The following PCDH11X variants were observed in gnomAD, a reference collection of about 807,000 sequenced individuals.
The protein encoded by PCDH11X is protocadherin 11 X-linked, also known as protocadherin-11 X-linked.
In PCDH11X, 18 loss-of-function variants were observed where a neutral mutation model predicts 53.3. That is an observed-to-expected ratio of 0.34 (90% CI 0.23 to 0.50). The LOEUF is 0.50. Ranked by LOEUF, PCDH11X falls within the 20% of genes least tolerant of loss-of-function variation. PCDH11X has a pLI of 0.98. For synonymous variants in PCDH11X, 279 were observed against 393.3 expected (o/e 0.71, Z 3.44); for missense variants, 570 against 1,032.4 (o/e 0.55, Z 6.14).
At chrX:92,078,643 T>C (rs1234918961) in intron 6 of PCDH11X, among the ~76,000 whole-genome samples, 3 of 110,883 alleles carry the variant, frequency 2.7e-5, no homozygotes, top group African/African-American at 9.8e-5. Flanking sequence ...AGCAGCTGAC[T>C]ATGCTAATTC....
chrX:91,971,183 C>T (rs867922055), intron 6 of PCDH11X, among the ~76,000 whole-genome samples: 1 of 108,991 alleles, frequency 9.2e-6, no homozygotes, highest in Non-Finnish European at 1.9e-5. Context: ...TTTTCTTGAT[C>T]TTCTTCTTCA....
chrX:92,424,342 A>C (rs2072058735), intron 9 of PCDH11X, among the ~76,000 whole-genome samples: 1 of 95,880 alleles, frequency 1.0e-5, no homozygotes, highest in Admixed American at 1.1e-4. Context: ...GTATCTGTTA[A>C]ATTTTTAAAG....
At chrX:92,142,370 G>GCACACACACA (rs201418320) in intron 6 of PCDH11X, among the ~76,000 whole-genome samples, 23 of 95,574 alleles carry the variant, frequency 2.4e-4, no homozygotes, top group African/African-American at 6.8e-4. Flanking sequence ...GTGCGCGCGC[G>GCACACACACA]CACACACACA....
intron 6 of PCDH11X, among the ~76,000 whole-genome samples, chrX:92,012,490 A>AT (rs1435294558): frequency 8.9e-6 from 1 of 111,857 alleles, no homozygotes; most frequent in Non-Finnish European, 1.9e-5. Flanking sequence ...ATGTTTATAA[A>AT]TAATTCGAAA....
chrX:91,820,373 G>A (rs1462220865), intron 4 of PCDH11X, among the ~76,000 whole-genome samples: 2 of 85,164 alleles, frequency 2.3e-5, no homozygotes, highest in African/African-American at 1.2e-4. Context: ...TCTAACTGGT[G>A]TGAGATGGTA....
At chrX:91,881,086 T>C (rs1286865553) in intron 6 of PCDH11X, among the ~76,000 whole-genome samples, 3 of 110,841 alleles carry the variant, frequency 2.7e-5, no homozygotes, top group Non-Finnish European at 5.7e-5. Context: ...GTTTCAGTGC[T>C]TTTTGAAGGC....
At chrX:91,901,385 T>C (rs959767469) in intron 6 of PCDH11X, among the ~76,000 whole-genome samples, 4 of 110,608 alleles carry the variant, frequency 3.6e-5, no homozygotes, top group Non-Finnish European at 7.6e-5. Context: ...TTTACCAAGA[T>C]TGGCCTAACT....
rs762828148 is a variant in PCDH11X at position 91,844,449 on chromosome X, A to G, written c.540+8405A>G. Among the ~76,000 whole-genome samples, 160 of 110,029 alleles carry G rather than the reference A, an allele frequency of 1.5e-3. 1 individual carries two copies. The highest frequency in any genetic ancestry group is 5.0e-3 in the African/African-American group (151 of 30,394). On this transcript the variant is annotated intron_variant, in intron 5 of 10. Coordinates refer to ENST00000682573, the MANE Select transcript of PCDH11X (RefSeq NM_032968.5). ...TGCTAATATGAGTACTTTCTCATAT[A>G]CTGCCTCTACCATCTGGAATTGCTT...
At chrX:92,081,494 G>T (rs1247536812) in intron 6 of PCDH11X, among the ~76,000 whole-genome samples, 1 of 110,322 alleles carries the variant, frequency 9.1e-6, no homozygotes, top group Non-Finnish European at 1.9e-5. Context: ...ATCTCCTGTT[G>T]ATCAATTAAG....
At chrX:92,126,407 T>G (rs1394802718) in intron 6 of PCDH11X, among the ~76,000 whole-genome samples, 1 of 110,691 alleles carries the variant, frequency 9.0e-6, no homozygotes. Context: ...GGTTAGGAGT[T>G]TGAAACCAGC....
chrX:92,142,361 TGC>T (rs1202141800), intron 6 of PCDH11X, among the ~76,000 whole-genome samples: 2,608 of 75,449 alleles, frequency 0.035, 91 homozygotes, highest in African/African-American at 0.11. Context: ...TCCATGCATG[TGC>T]GCGCGCGCAC....
chrX:91,960,415 C>CTTTG (rs1055220087), intron 6 of PCDH11X, among the ~76,000 whole-genome samples: 3 of 110,340 alleles, frequency 2.7e-5, no homozygotes, highest in Non-Finnish European at 5.7e-5. Context: ...TGTTTTTTCA[C>CTTTG]TTTGTTTGTT....
At chrX:92,371,022 A>T (rs1305307691) in intron 8 of PCDH11X, among the ~76,000 whole-genome samples, 1 of 111,673 alleles carries the variant, frequency 9.0e-6, no homozygotes, top group Non-Finnish European at 1.9e-5. Context: ...TAGCATAGCT[A>T]TGATTGCTTT....
At chrX:92,475,234 G>A (rs1356989325) in intron 10 of PCDH11X, among the ~76,000 whole-genome samples, 1 of 100,832 alleles carries the variant, frequency 9.9e-6, no homozygotes, top group Non-Finnish European at 2.0e-5. Context: ...ATAATATTCT[G>A]TATTTTTTGT....
At chrX:92,257,898 T>G (rs2067629887) in intron 7 of PCDH11X, among the ~76,000 whole-genome samples, 1 of 111,924 alleles carries the variant, frequency 8.9e-6, no homozygotes, top group Non-Finnish European at 1.9e-5. Context: ...GGATCATGGC[T>G]TTCTTCTTAC....
intron 1 of PCDH11X, among the ~76,000 whole-genome samples, chrX:91,789,343 T>TAA (rs933176641): frequency 1.1e-5 from 1 of 92,904 alleles, no homozygotes; most frequent in African/African-American, 3.9e-5. Flanking sequence ...AAGAGAGGCT[T>TAA]AAGAATAGGT....
chrX:92,507,540 C>A (rs1324304657), intron 10 of PCDH11X, among the ~76,000 whole-genome samples: 3 of 111,002 alleles, frequency 2.7e-5, no homozygotes, highest in Non-Finnish European at 5.7e-5. Flanking sequence ...AAATAAGATG[C>A]AATATTTGGA....
In PCDH11X at chrX:92,622,390, A is replaced by T. The variant is rs1420187652; in HGVS notation, c.*3450A>T. ...GCGTTTTACTCACATGGCTATTTCA[A>T]CATTAGTTTTTTTTGTTTGTTTCTT... On this transcript the variant is annotated 3_prime_UTR_variant, in exon 11 of 11. Coordinates refer to ENST00000682573, the MANE Select transcript of PCDH11X (RefSeq NM_032968.5). 1 of 111,023 alleles carries T rather than the reference A, an allele frequency of 9.0e-6. No individual in the cohort carries two copies. The highest frequency in any genetic ancestry group is 1.9e-5 in the Non-Finnish European group (1 of 52,629). The allele number at this position is 111,023 out of a possible 1,213,427, so 9.1% of individuals were successfully genotyped here.
At chrX:92,180,324 C>T (rs903641028) in intron 6 of PCDH11X, among the ~76,000 whole-genome samples, 3 of 111,236 alleles carry the variant, frequency 2.7e-5, no homozygotes, top group Non-Finnish European at 1.9e-5. Flanking sequence ...TACAATTTGC[C>T]ATGCCATTTG....
Sources: gnomAD v4.1 joint callset for allele counts (sites outside exome capture counted in the v4.1 genomes callset) on GRCh38, gnomAD v4.1.1 for gene constraint, MANE v1.5 for transcripts, NCBI Gene and HGNC (gene_info 2026-07-23, HGNC 2026-07-21) for gene names.